Variants in PKNOX2 observed in about 807,000 individuals in gnomAD.
The protein encoded by PKNOX2 is homeobox protein PKNOX2.
A neutral mutation model predicts 53.1 loss-of-function variants in PKNOX2; 14 were observed. The observed-to-expected ratio is 0.26, with a 90% CI of 0.17 to 0.41. The LOEUF is 0.41. Among genes scored for constraint, PKNOX2 ranks in the 10% least tolerant of loss-of-function variants. PKNOX2 has a pLI of 1.00. For synonymous variants in PKNOX2, 257 were observed against 242.8 expected, an observed-to-expected ratio of 1.06 and a Z score of -0.54; for missense variants, 496 against 602.8, an observed-to-expected ratio of 0.82 and a Z score of 1.85.
rs1956734957 is a variant in PKNOX2, at chr11:125,432,265, T to C, written c.*873T>C. On this transcript the variant is annotated 3_prime_UTR_variant, in exon 13 of 13. Transcript: ENST00000298282. ...CAGGACAATGGTTTTTTACCCTAGA[T>C]GTTCCCACCTTCAGTGCTCCACGCC... The C allele has an allele frequency of 6.6e-6, 1 of 152,638 alleles. No homozygotes were observed. The highest frequency in any genetic ancestry group is 1.5e-5 in the Non-Finnish European group (1 of 68,078). The allele number at this position is 152,638 out of a possible 1,614,324, so 9.5% of individuals were successfully genotyped here.
intron 2 of PKNOX2, among the ~76,000 whole-genome samples, chr11:125,309,043 G>C (rs1257225381): frequency 6.6e-6 from 1 of 152,136 alleles, no homozygotes; most frequent in Non-Finnish European, 1.5e-5. Flanking sequence ...CGCTCCTCCT[G>C]TGTGGTCTGA....
At chr11:125,420,255 C>G (rs539798838) in intron 10 of PKNOX2, among the ~76,000 whole-genome samples, 1 of 149,414 alleles carries the variant, frequency 6.7e-6, no homozygotes, top group Non-Finnish European at 1.5e-5. Context: ...GGGCCGGGCA[C>G]GGTGGCTCAC....
chr11:125,183,534 A>G (rs1266385788), intron 1 of PKNOX2, among the ~76,000 whole-genome samples: 1 of 152,098 alleles, frequency 6.6e-6, no homozygotes, highest in Non-Finnish European at 1.5e-5. Flanking sequence ...TTGGTGACAC[A>G]TATTAAATCC....
At chr11:125,413,921 C>T (rs1460044493) in intron 10 of PKNOX2, among the ~76,000 whole-genome samples, 2 of 152,178 alleles carry the variant, frequency 1.3e-5, no homozygotes, top group African/African-American at 2.4e-5. Flanking sequence ...TGCTCACTGA[C>T]TCTCCTCACC....
intron 2 of PKNOX2, among the ~76,000 whole-genome samples, chr11:125,262,068 G>A (rs542598597): frequency 2.7e-4 from 41 of 152,286 alleles, no homozygotes; most frequent in African/African-American, 9.4e-4. Flanking sequence ...AGAGCACTAA[G>A]AAGGGTGTTA....
chr11:125,348,988 T>G (rs1156755069), intron 3 of PKNOX2, among the ~76,000 whole-genome samples: 2 of 152,150 alleles, frequency 1.3e-5, no homozygotes, highest in Non-Finnish European at 2.9e-5. Flanking sequence ...ACTTTTTTCC[T>G]GGCGGACGAG....
intron 2 of PKNOX2, among the ~76,000 whole-genome samples, chr11:125,328,329 G>A (rs1949942318): frequency 6.6e-6 from 1 of 152,000 alleles, no homozygotes; most frequent in Non-Finnish European, 1.5e-5. Context: ...CAGGGAGAGA[G>A]CGGGGGAGAG....
At chr11:125,321,025 A>G (rs1949489390) in intron 2 of PKNOX2, among the ~76,000 whole-genome samples, 1 of 152,216 alleles carries the variant, frequency 6.6e-6, no homozygotes, top group Non-Finnish European at 1.5e-5. Flanking sequence ...GCTATGAGCA[A>G]TTCTTTGTAG....
At chr11:125,361,556 G>T (rs1336263627) in intron 4 of PKNOX2, among the ~76,000 whole-genome samples, 1 of 151,856 alleles carries the variant, frequency 6.6e-6, no homozygotes, top group African/African-American at 2.4e-5. Flanking sequence ...TTATTTTTTT[G>T]ACTTTATTTA....
intron 6 of PKNOX2, among the ~76,000 whole-genome samples, chr11:125,392,360 A>G (rs1461291881): frequency 6.6e-6 from 1 of 152,254 alleles, no homozygotes; most frequent in East Asian, 1.9e-4. Context: ...ATGAACCCAC[A>G]GTGTTCCTGC....
chr11:125,311,486 A>G (rs1948803140), intron 2 of PKNOX2, among the ~76,000 whole-genome samples: 1 of 152,196 alleles, frequency 6.6e-6, no homozygotes, highest in Non-Finnish European at 1.5e-5. Flanking sequence ...ATTCTGGTGT[A>G]TGCAAAGTGC....
At chr11:125,395,853 A>G (rs558999998) in intron 6 of PKNOX2, among the ~76,000 whole-genome samples, 1 of 152,090 alleles carries the variant, frequency 6.6e-6, no homozygotes, top group South Asian at 2.1e-4. Context: ...TGGTTTGCAA[A>G]TATTCTCCTC....
intron 5 of PKNOX2, among the ~76,000 whole-genome samples, chr11:125,382,869 T>A (rs1953345604): frequency 6.6e-6 from 1 of 152,250 alleles, no homozygotes; most frequent in African/African-American, 2.4e-5. Context: ...AGCTTCCCGG[T>A]AGATCTTTCT....
chr11:125,367,783 A>G, intron 4 of PKNOX2, 63 bp from the exon 5 acceptor site: 5 of 1,558,900 alleles, frequency 3.2e-6, no homozygotes, highest in Non-Finnish European at 4.3e-6. Context: ...ACCTCACACT[A>G]CAGCCTGGAG....
intron 2 of PKNOX2, among the ~76,000 whole-genome samples, chr11:125,281,305 C>T (rs534507388): frequency 2.0e-5 from 3 of 152,290 alleles, no homozygotes; most frequent in Admixed American, 2.0e-4. Flanking sequence ...AGAAATGTTC[C>T]CTCAATGCCT....
chr11:125,270,200 C>T (rs906549368), intron 2 of PKNOX2, among the ~76,000 whole-genome samples: 11 of 152,198 alleles, frequency 7.2e-5, no homozygotes, highest in African/African-American at 1.9e-4. Context: ...AGCACAACCT[C>T]GCAGATAAGA....
chr11:125,209,021 C>T (rs1007847977), intron 1 of PKNOX2, among the ~76,000 whole-genome samples: 13 of 151,934 alleles, frequency 8.6e-5, no homozygotes, highest in African/African-American at 1.5e-4. Flanking sequence ...GAGCGCAAAT[C>T]GCTCTTTCAC....
chr11:125,357,572 A>G (rs1398092853), intron 4 of PKNOX2, among the ~76,000 whole-genome samples: 2 of 152,178 alleles, frequency 1.3e-5, no homozygotes, highest in Middle Eastern at 3.4e-3. Context: ...AAATCAGGGG[A>G]CAGGTGATCC....
At chr11:125,173,873 G>A (rs528461864) in intron 1 of PKNOX2, among the ~76,000 whole-genome samples, 4 of 152,350 alleles carry the variant, frequency 2.6e-5, no homozygotes, top group East Asian at 1.9e-4. Flanking sequence ...AGTTTAGCCC[G>A]TTAGTGGTAG....
Sources: gnomAD v4.1 joint callset for allele counts (sites outside exome capture counted in the v4.1 genomes callset) on GRCh38, gnomAD v4.1.1 for gene constraint, MANE v1.5 for transcripts, NCBI Gene and HGNC (gene_info 2026-07-23, HGNC 2026-07-21) for gene names.